Variants in IQCM observed in about 807,000 individuals in gnomAD.
IQCM encodes the protein IQ motif containing M, also known as IQ domain-containing protein M.
A neutral mutation model predicts 57.6 loss-of-function variants in IQCM; 45 were observed. The ratio of observed to expected loss-of-function variants is 0.78; its 90% CI spans 0.62 to 1.00. The LOEUF (loss-of-function observed/expected upper bound fraction) is 1.00, where lower values mean the gene tolerates loss of function less well. Among genes scored for constraint, IQCM ranks in the 50% least tolerant of loss-of-function variants. The pLI, the probability that IQCM is intolerant of heterozygous loss-of-function variation, is 0.00. For missense variants in IQCM, 468 were observed against 511.6 expected (o/e 0.91, Z 0.82); for synonymous variants, 148 against 158.9 (o/e 0.93, Z 0.51).
chr4:149,675,400 G>A (rs1761665473), intron 7 of IQCM, among the ~76,000 whole-genome samples: 1 of 151,928 alleles, frequency 6.6e-6, no homozygotes. Flanking sequence ...TATGAGACAT[G>A]GGAGGAAAAA....
At chr4:149,392,414 C>T (rs1731926619) in intron 13 of IQCM, among the ~76,000 whole-genome samples, 1 of 151,978 alleles carries the variant, frequency 6.6e-6, no homozygotes, top group South Asian at 2.1e-4. Flanking sequence ...GAACTACCAT[C>T]ATCATATAAT....
intron 7 of IQCM, among the ~76,000 whole-genome samples, chr4:149,660,460 G>A (rs1275503743): frequency 2.0e-5 from 3 of 152,012 alleles, no homozygotes; most frequent in Admixed American, 6.6e-5. Context: ...AATACCATTT[G>A]ACCCAGCCAT....
chr4:149,762,000 T>G (rs932824611), intron 2 of IQCM, among the ~76,000 whole-genome samples: 1 of 151,740 alleles, frequency 6.6e-6, no homozygotes, highest in Non-Finnish European at 1.5e-5. Context: ...GGTGTTACTG[T>G]AAGTATCCTC....
At chr4:149,515,056 T>G (rs934096650) in intron 12 of IQCM, among the ~76,000 whole-genome samples, 4 of 130,632 alleles carry the variant, frequency 3.1e-5, no homozygotes, top group African/African-American at 1.1e-4. Context: ...CTTAATAAAC[T>G]CCCATATATA....
At position 149,695,730 on chromosome 4, in the gene IQCM, G is replaced by A. The variant is rs187492758; in HGVS notation, c.386-9262C>T. On this transcript the variant is annotated intron_variant, in intron 5 of 13. Transcript: ENST00000636793. ...ACATAATAGATGAGATAGGTTCCTG[G>A]CAGAAAACAGAAAGAATGGGATAGA... Among the ~76,000 whole-genome samples, 3 of 152,252 alleles carry A rather than the reference G, an allele frequency of 2.0e-5. No individual in the cohort carries two copies. In the East Asian group the frequency reaches 5.8e-4, roughly 29 times the overall value.
chr4:149,590,792 T>A (rs1024191352), intron 8 of IQCM, among the ~76,000 whole-genome samples: 1 of 152,110 alleles, frequency 6.6e-6, no homozygotes, highest in Admixed American at 6.6e-5. Flanking sequence ...CATCCTTTTT[T>A]ATAGCTGCAT....
chr4:149,546,429 C>A (rs1417911431), intron 12 of IQCM, among the ~76,000 whole-genome samples: 2 of 152,190 alleles, frequency 1.3e-5, no homozygotes, highest in South Asian at 4.1e-4. Context: ...AGTTTACAGT[C>A]CCACCAACAG....
chr4:149,446,079 GA>G (rs959147985), intron 12 of IQCM, among the ~76,000 whole-genome samples: 1 of 151,686 alleles, frequency 6.6e-6, no homozygotes, highest in African/African-American at 2.4e-5. Context: ...AAATATGTGA[GA>G]ATCATTATAT....
intron 2 of IQCM, among the ~76,000 whole-genome samples, chr4:149,774,492 G>T (rs1355130487): frequency 6.6e-6 from 1 of 152,042 alleles, no homozygotes; most frequent in Non-Finnish European, 1.5e-5. Context: ...GAACATCATG[G>T]TGCCCTGCAT....
rs553083935 is a variant in IQCM, at chr4:149,711,426, C to A, written c.385+21818G>T. On this transcript the variant is annotated intron_variant, in intron 5 of 13. Transcript: ENST00000636793. ...TACTATTTATTGGTGACAATTTCAG[C>A]ATGTCTCTGAGTCTGAGTTTTCCTG... 2.6e-5 allele frequency among the ~76,000 whole-genome samples: 4 copies of A among 152,276 alleles called. No homozygotes were observed. The South Asian group carries it at 8.3e-4, about 32-fold the overall frequency.
At chr4:149,490,656 G>A (rs930831286) in intron 12 of IQCM, among the ~76,000 whole-genome samples, 4 of 151,632 alleles carry the variant, frequency 2.6e-5, no homozygotes, top group African/African-American at 7.3e-5. Flanking sequence ...TCATTACAAC[G>A]CATTTTCCTC....
At chr4:149,591,738 T>A (rs1049591525) in intron 8 of IQCM, among the ~76,000 whole-genome samples, 2 of 152,162 alleles carry the variant, frequency 1.3e-5, no homozygotes, top group Non-Finnish European at 2.9e-5. Flanking sequence ...TTGCTGAGAA[T>A]GATGGTTTCC....
At chr4:149,616,817 A>T (rs1755832396) in intron 8 of IQCM, among the ~76,000 whole-genome samples, 1 of 152,094 alleles carries the variant, frequency 6.6e-6, no homozygotes, top group Non-Finnish European at 1.5e-5. Context: ...CCAGGTTGAT[A>T]GGTGCAGCAA....
intron 6 of IQCM, among the ~76,000 whole-genome samples, chr4:149,682,722 G>T (rs1380544593): frequency 3.3e-5 from 5 of 150,962 alleles, no homozygotes; most frequent in Non-Finnish European, 7.4e-5. Flanking sequence ...CAGCATTTAG[G>T]GCACTATTCT....
intron 12 of IQCM, among the ~76,000 whole-genome samples, chr4:149,441,073 C>G (rs1392061561): frequency 6.6e-6 from 1 of 152,042 alleles, no homozygotes; most frequent in Non-Finnish European, 1.5e-5. Flanking sequence ...AAAGATTTTC[C>G]CTTTTCCTCT....
At chr4:149,493,890 A>C (rs1056460600) in intron 12 of IQCM, among the ~76,000 whole-genome samples, 23 of 152,012 alleles carry the variant, frequency 1.5e-4, no homozygotes, top group African/African-American at 5.6e-4. Context: ...ATGACAAAAA[A>C]AAAAAAAAAT....
intron 5 of IQCM, among the ~76,000 whole-genome samples, chr4:149,699,608 T>C (rs953252314): frequency 4.0e-5 from 6 of 149,520 alleles, no homozygotes; most frequent in African/African-American, 1.5e-4. Context: ...CAGGAGAAAA[T>C]TCTCCATGAA....
At chr4:149,659,462 C>T (rs1040014081) in intron 7 of IQCM, among the ~76,000 whole-genome samples, 4 of 152,060 alleles carry the variant, frequency 2.6e-5, no homozygotes, top group African/African-American at 9.7e-5. Context: ...ACTTTCTTCA[C>T]AGAATTGGAA....
chr4:149,717,867 C>T (rs550668832), intron 5 of IQCM, among the ~76,000 whole-genome samples: 12 of 152,146 alleles, frequency 7.9e-5, no homozygotes, highest in African/African-American at 2.2e-4. Context: ...CTTTAATAAC[C>T]GGTTTATGGT....
Sources: allele counts gnomAD v4.1 joint callset (sites outside exome capture counted in the v4.1 genomes callset), GRCh38; gene constraint gnomAD v4.1.1; transcripts MANE v1.5; gene names NCBI Gene and HGNC (gene_info 2026-07-23, HGNC 2026-07-21).